Variants in HERC1 observed in about 807,000 individuals in gnomAD.
HERC1 encodes the protein HECT and RLD domain containing E3 ubiquitin protein ligase family member 1, also known as probable E3 ubiquitin-protein ligase HERC1.
A neutral mutation model predicts 554.3 loss-of-function variants in HERC1; 160 were observed. The observed-to-expected ratio is 0.29, with a 90% CI of 0.25 to 0.33. The LOEUF (loss-of-function observed/expected upper bound fraction) is 0.33. Among genes scored for constraint, HERC1 ranks in the 10% least tolerant of loss-of-function variants. HERC1 has a pLI of 1.00. For synonymous variants in HERC1, 2,175 were observed against 2,131.7 expected, an observed-to-expected ratio of 1.02 and a Z score of -0.56; for missense variants, 4,919 against 5,918.5, an observed-to-expected ratio of 0.83 and a Z score of 5.54.
intron 68 of HERC1, 96 bp from the exon 69 acceptor site, chr15:63,630,731 G>A (rs1024852959): frequency 8.2e-7 from 1 of 1,219,934 alleles, no homozygotes; most frequent in Non-Finnish European, 1.1e-6. Context: ...TATTATGGTG[G>A]AATGGCAATG....
chr15:63,678,916 C>G (rs1298113041), intron 36 of HERC1, among the ~76,000 whole-genome samples: 3 of 152,172 alleles, frequency 2.0e-5, no homozygotes, highest in Non-Finnish European at 4.4e-5. Context: ...AAACCTGACA[C>G]TAATAATAGC....
In HERC1 at chr15:63,782,497, A is replaced by G. The variant is rs541242308; in HGVS notation, c.-26-6848T>C. Among the ~76,000 whole-genome samples the G allele has an allele frequency of 6.2e-4, 94 of 152,344 alleles. 2 individuals are homozygous for G. Among genetic ancestry groups the G allele is most frequent in the African/African-American group, 2.1e-3 (89 of 41,580 alleles). On this transcript the variant is annotated intron_variant, in intron 1 of 77. Transcript: ENST00000443617. ...ACAGCTCAGAAAAAAGCTTCCTTTC[A>G]AAACATTACTGTTCACTGACAACGC...
chr15:63,696,923 CCTT>C (rs1261339229), intron 26 of HERC1, among the ~76,000 whole-genome samples: 1 of 146,412 alleles, frequency 6.8e-6, no homozygotes, highest in Non-Finnish European at 1.5e-5. Flanking sequence ...ATCAGCTTAT[CCTT>C]CTTCTTTAAA....
At chr15:63,609,370 G>A (rs1395442197) in intron 77 of HERC1, 104 bp from the exon 78 acceptor site, 4 of 1,022,102 alleles carry the variant, frequency 3.9e-6, no homozygotes, top group African/African-American at 1.6e-5. Context: ...AATTAACATG[G>A]CCACATGGTT....
intron 1 of HERC1, among the ~76,000 whole-genome samples, chr15:63,825,729 C>G (rs541225609): frequency 2.0e-5 from 3 of 151,888 alleles, no homozygotes; most frequent in Non-Finnish European, 4.4e-5. Flanking sequence ...CTGGGAACAT[C>G]AGTTCATTAG....
intron 1 of HERC1, among the ~76,000 whole-genome samples, chr15:63,783,347 C>A (rs1327540531): frequency 1.3e-5 from 2 of 152,108 alleles, no homozygotes; most frequent in Admixed American, 6.5e-5. Flanking sequence ...AAGGCAAGAC[C>A]CTCCATGAGC....
chr15:63,833,526 G>A (rs1221349687), intron 1 of HERC1, among the ~76,000 whole-genome samples: 2 of 152,042 alleles, frequency 1.3e-5, no homozygotes, highest in Non-Finnish European at 2.9e-5. Context: ...CGCTGGAGGG[G>A]CGGGTCTCTC....
intron 5 of HERC1, among the ~76,000 whole-genome samples, chr15:63,755,570 G>A (rs1220631631): frequency 6.6e-6 from 1 of 152,172 alleles, no homozygotes; most frequent in Non-Finnish European, 1.5e-5. Context: ...TTTGAGCTCA[G>A]GAGTTCGAGT....
chr15:63,611,954 G>A (rs1230681969), intron 77 of HERC1, among the ~76,000 whole-genome samples: 1 of 152,206 alleles, frequency 6.6e-6, no homozygotes, highest in South Asian at 2.1e-4. Context: ...GGAGGCCAAC[G>A]TGACCAGATC....
intron 61 of HERC1, 131 bp downstream of exon 61, chr15:63,640,021 T>C: frequency 2.3e-6 from 2 of 870,632 alleles, no homozygotes; most frequent in South Asian, 1.8e-5. Context: ...GAAAGAAAAA[T>C]ATTTTCCATT....
At chr15:63,653,896 C>T (rs1045746061) in intron 51 of HERC1, among the ~76,000 whole-genome samples, 1 of 152,134 alleles carries the variant, frequency 6.6e-6, no homozygotes, top group African/African-American at 2.4e-5. Flanking sequence ...TCTCATCCCC[C>T]ATCCAATTCT....
At chr15:63,646,238 C>A (rs939043929) in intron 55 of HERC1, among the ~76,000 whole-genome samples, 1 of 152,150 alleles carries the variant, frequency 6.6e-6, no homozygotes, top group Non-Finnish European at 1.5e-5. Flanking sequence ...TCTGAACTGG[C>A]AACCTCTGTT....
chr15:63,635,944 T>G lies in HERC1; in HGVS notation c.12414+17A>C. On this transcript the variant is annotated intron_variant, in intron 65 of 77. Coordinates refer to ENST00000443617, the MANE Select transcript of HERC1 (RefSeq NM_003922.4). ...ATATTTACAATGAAAGGCAAACTTA[T>G]CCATTTCCTGCCTGACCTGCACCAC... 1 of 1,611,722 alleles carries G rather than the reference T, an allele frequency of 6.2e-7. No individual in the cohort carries two copies. The highest frequency in any genetic ancestry group is 8.5e-7 in the Non-Finnish European group (1 of 1,178,758).
intron 74 of HERC1, among the ~76,000 whole-genome samples, chr15:63,618,247 A>G (rs1158955167): frequency 6.6e-6 from 1 of 151,892 alleles, no homozygotes; most frequent in Non-Finnish European, 1.5e-5. Context: ...TCCCAGCACC[A>G]TTTATTAAAT....
chr15:63,824,747 G>A (rs2077826808), intron 1 of HERC1, among the ~76,000 whole-genome samples: 1 of 151,514 alleles, frequency 6.6e-6, no homozygotes, highest in African/African-American at 2.4e-5. Context: ...AACACACTCT[G>A]GAATAGTATT....
At chr15:63,826,814 AAT>A (rs1555454978) in intron 1 of HERC1, among the ~76,000 whole-genome samples, 884 of 22,228 alleles carry the variant, frequency 0.04, 47 homozygotes, top group South Asian at 0.064. Flanking sequence ...AAAAAAAAAA[AAT>A]ATATATATAT....
At chr15:63,721,513 G>A (rs1314233365) in intron 19 of HERC1, among the ~76,000 whole-genome samples, 2 of 151,878 alleles carry the variant, frequency 1.3e-5, no homozygotes, top group Non-Finnish European at 2.9e-5. Context: ...ACGATAAGAG[G>A]AGACTCTGTC....
chr15:63,819,556 T>A (rs2077613652), intron 1 of HERC1, among the ~76,000 whole-genome samples: 1 of 152,196 alleles, frequency 6.6e-6, no homozygotes, highest in Non-Finnish European at 1.5e-5. Flanking sequence ...AATAGCGAAG[T>A]CCAGTCCTTA....
At chr15:63,712,735 A>G in intron 24 of HERC1, 40 bp downstream of exon 24, 1 of 1,597,228 alleles carries the variant, frequency 6.3e-7, no homozygotes, top group Non-Finnish European at 8.5e-7. Flanking sequence ...ATATACCTTG[A>G]AAACAAAAAT....
Sources: gnomAD v4.1 joint callset for allele counts (sites outside exome capture counted in the v4.1 genomes callset) on GRCh38, gnomAD v4.1.1 for gene constraint, MANE v1.5 for transcripts, NCBI Gene and HGNC (gene_info 2026-07-23, HGNC 2026-07-21) for gene names.